SEMA3A: variants seen among roughly 807,000 people sequenced by gnomAD.
SEMA3A encodes semaphorin-3A.
SEMA3A carries 29 observed loss-of-function variants against 97.9 expected under a neutral mutation model. That is an observed-to-expected ratio of 0.30 (90% confidence interval 0.22 to 0.40). The LOEUF (loss-of-function observed/expected upper bound fraction) is 0.40. Among genes scored for constraint, SEMA3A ranks in the 10% least tolerant of loss-of-function variants. The pLI, the probability that SEMA3A is intolerant of heterozygous loss-of-function variation, is 1.00. For missense variants in SEMA3A, 763 were observed against 951.3 expected, an observed-to-expected ratio of 0.80 and a Z score of 2.60; for synonymous variants, 321 against 323.7, an observed-to-expected ratio of 0.99 and a Z score of 0.09.
intron 1 of SEMA3A, among the ~76,000 whole-genome samples, chr7:84,446,699 A>C (rs1212857466): frequency 6.6e-6 from 1 of 152,206 alleles, no homozygotes; most frequent in Non-Finnish European, 1.5e-5. Flanking sequence ...AAGGAATATC[A>C]TAGTTGGTGA....
intron 1 of SEMA3A, among the ~76,000 whole-genome samples, chr7:84,452,834 T>G (rs879266395): frequency 2.6e-5 from 4 of 152,196 alleles, no homozygotes; most frequent in African/African-American, 4.8e-5. Context: ...TTTTTCTTTT[T>G]GTTTTGCAAC....
intron 6 of SEMA3A, 79 bp from the exon 7 acceptor site, chr7:84,014,430 T>C: frequency 9.1e-7 from 1 of 1,096,228 alleles, no homozygotes; most frequent in Non-Finnish European, 1.3e-6. Flanking sequence ...TTTTTACTTT[T>C]TTTAACTCTT....
At chr7:84,244,008 C>A (rs1485274556) in intron 3 of SEMA3A, among the ~76,000 whole-genome samples, 1 of 152,124 alleles carries the variant, frequency 6.6e-6, no homozygotes, top group Non-Finnish European at 1.5e-5. Flanking sequence ...GAGTGTTTTA[C>A]TTCCAATAAT....
At chr7:84,457,958 A>G (rs571823914) in intron 1 of SEMA3A, among the ~76,000 whole-genome samples, 19 of 152,100 alleles carry the variant, frequency 1.2e-4, no homozygotes, top group African/African-American at 4.6e-4. Flanking sequence ...GAAATGAAGA[A>G]AGCCACCTTG....
rs1310914896 is a variant in SEMA3A, at chr7:83,959,555, C to T, written c.*1816G>A. ...TTTTGTTTGAAACAAGTGGCAACAACTTGTTTATTCAAGGCAGTCATTAAA... is the reference window on the plus strand; with the variant it reads ...TTTTGTTTGAAACAAGTGGCAACAATTTGTTTATTCAAGGCAGTCATTAAA... On this transcript the variant is annotated 3_prime_UTR_variant, in exon 17 of 17. Coordinates refer to ENST00000265362, the MANE Select transcript of SEMA3A (RefSeq NM_006080.3). 1 of 151,994 alleles carries T rather than the reference C, an allele frequency of 6.6e-6. No homozygotes were observed. Among genetic ancestry groups the T allele is most frequent in the East Asian group, 1.9e-4 (1 of 5,190 alleles). 9.4% of individuals were successfully genotyped at this position (151,994 alleles called of 1,614,324 possible).
chr7:84,086,507 A>G, intron 4 of SEMA3A, among the ~76,000 whole-genome samples: 1 of 51,230 alleles, frequency 2.0e-5, no homozygotes, highest in East Asian at 6.8e-4. Flanking sequence ...ATATATTATT[A>G]TATTATATTT....
At chr7:84,393,083 C>G (rs1803627973) in intron 1 of SEMA3A, among the ~76,000 whole-genome samples, 1 of 151,956 alleles carries the variant, frequency 6.6e-6, no homozygotes, top group African/African-American at 2.4e-5. Context: ...CTTTTGTTGC[C>G]TATGCTTTGG....
chr7:84,099,849 G>A (rs1794903757), intron 4 of SEMA3A, among the ~76,000 whole-genome samples: 1 of 152,112 alleles, frequency 6.6e-6, no homozygotes, highest in Non-Finnish European at 1.5e-5. Flanking sequence ...AAAAGAGGAT[G>A]TTATGTATAT....
chr7:84,165,945 T>C (rs1165402989), intron 1 of SEMA3A, among the ~76,000 whole-genome samples: 1 of 152,020 alleles, frequency 6.6e-6, no homozygotes. Context: ...TGTGAAAATA[T>C]AAAATGTGGA....
rs1370079952 is a variant in SEMA3A at position 84,452,111 on chromosome 7, C to T, written c.-246+40349G>A. Among the ~76,000 whole-genome samples the T allele has an allele frequency of 2.0e-5, 3 of 152,076 alleles. No homozygotes were observed. The South Asian group carries it at 6.2e-4, about 31-fold the overall frequency. ...GCTTTAACATCCATTTTTTTACACA[C>T]CTGACAACAGCCAGAATAAAAACAT... On this transcript the variant is annotated intron_variant, in intron 1 of 3. Coordinates refer to the SEMA3A transcript ENST00000424555.
intron 1 of SEMA3A, among the ~76,000 whole-genome samples, chr7:84,415,605 A>AC: frequency 2.0e-5 from 3 of 152,238 alleles, no homozygotes; most frequent in African/African-American, 7.2e-5. Flanking sequence ...TGATGAATCT[A>AC]GATAATGGGT....
In SEMA3A at chr7:83,961,844, A is replaced by G. The variant is rs1195078599; in HGVS notation, c.1861-18T>C. 9 of 1,584,900 alleles carry G rather than the reference A, an allele frequency of 5.7e-6. No individual in the cohort carries two copies. The highest frequency in any genetic ancestry group is 7.8e-6 in the Non-Finnish European group (9 of 1,158,984). The stretch of plus-strand genomic sequence containing the variant: ...ACTCTGATCTAGCAGGTTAAAAAAA[A>G]GGCAGTGTAAAATATACATATTTAA... On this transcript the variant is annotated intron_variant, in intron 16 of 16. Transcript: ENST00000265362.
chr7:84,373,539 A>C (rs1435985334), intron 1 of SEMA3A, among the ~76,000 whole-genome samples: 1 of 152,224 alleles, frequency 6.6e-6, no homozygotes, highest in Non-Finnish European at 1.5e-5. Context: ...TTGATCACAC[A>C]GTAATTTATG....
chr7:84,069,228 T>C (rs1174662621), intron 4 of SEMA3A, among the ~76,000 whole-genome samples: 3 of 152,118 alleles, frequency 2.0e-5, no homozygotes, highest in African/African-American at 4.8e-5. Flanking sequence ...GAACTGGGTG[T>C]TATCTCTGGC....
chr7:84,133,798 C>G (rs191961959), intron 2 of SEMA3A, among the ~76,000 whole-genome samples: 2 of 150,734 alleles, frequency 1.3e-5, no homozygotes, highest in African/African-American at 4.9e-5. Flanking sequence ...CACCTGTAAT[C>G]CCAGCACTTT....
intron 1 of SEMA3A, among the ~76,000 whole-genome samples, chr7:84,141,764 C>T (rs1036208981): frequency 3.3e-5 from 5 of 152,122 alleles, no homozygotes; most frequent in African/African-American, 9.7e-5. Flanking sequence ...TTAGCTCGCA[C>T]TTATAACTGA....
chr7:84,234,002 G>A (rs911080724), intron 3 of SEMA3A, among the ~76,000 whole-genome samples: 2 of 151,554 alleles, frequency 1.3e-5, no homozygotes, highest in Admixed American at 1.3e-4. Flanking sequence ...TTTTTATAAA[G>A]TATTTTAGAA....
intron 1 of SEMA3A, among the ~76,000 whole-genome samples, chr7:84,458,965 T>G (rs567270189): frequency 5.3e-5 from 8 of 152,228 alleles, no homozygotes; most frequent in African/African-American, 1.9e-4. Flanking sequence ...CCTCTCCTGC[T>G]ACCCTTCTCA....
At chr7:84,205,578 A>C (rs1562851331) in intron 3 of SEMA3A, among the ~76,000 whole-genome samples, 3 of 152,336 alleles carry the variant, frequency 2.0e-5, no homozygotes, top group Admixed American at 6.5e-5. Flanking sequence ...ATTTTTTCAT[A>C]ATAATTTCCA....
Sources: gnomAD v4.1 joint callset for allele counts (sites outside exome capture counted in the v4.1 genomes callset) on GRCh38, gnomAD v4.1.1 for gene constraint, MANE v1.5 for transcripts, NCBI Gene and HGNC (gene_info 2026-07-23, HGNC 2026-07-21) for gene names.